RHOT2: variants seen among roughly 807,000 people sequenced by gnomAD.
RHOT2 encodes the protein ras homolog family member T2, also known as mitochondrial Rho GTPase 2.
Under a neutral mutation model 81.6 loss-of-function variants are expected in RHOT2, and 90 were observed. The observed-to-expected ratio is 1.10, with a 90% confidence interval of 0.93 to 1.31. RHOT2 has a LOEUF of 1.31. Ranked by LOEUF, RHOT2 falls within the 40% of genes most tolerant of loss-of-function variation. The pLI is 0.00. For missense variants in RHOT2, 1,014 were observed against 841.9 expected (o/e 1.20, Z -2.53); for synonymous variants, 512 against 370.9 (o/e 1.38, Z -4.37).
In RHOT2 at chr16:668,677, A is replaced by T. The variant is rs1286164447; in HGVS notation, c.200A>T (p.Glu67Val). 1 of 1,604,214 alleles carries T rather than the reference A, an allele frequency of 6.2e-7. No homozygotes were observed. The change falls in exon 4 of 19, where the codon GAG (glutamate) becomes GTG (valine). Residue 67 changes from glutamate (E) to valine (V), a missense_variant. Physicochemically the swap from Glu to Val is moderately radical, Grantham distance 121. Coordinates refer to ENST00000315082, the MANE Select transcript of RHOT2 (RefSeq NM_138769.3). The part of the protein sequence containing the change: ...DYSEAEQTDE[E>V]LREEIHKANV... ...CTAGAAGCCGAGCAGACGGACGAGG[A>T]GCTGCGGGAGGAGATCCACAAGGTA...
At chr16:668,829 A>AG (rs2038390219) in intron 4 of RHOT2, 130 bp downstream of exon 4, 1 of 1,035,288 alleles carries the variant, frequency 9.7e-7, no homozygotes, top group Non-Finnish European at 1.4e-6. Context: ...CTCCGCACTG[A>AG]GGGTTGTCGG....
Position 671,238 on chromosome 16 carries a change from C to T in RHOT2, c.869+35C>T, listed in dbSNP as rs561645394. 32 of 1,517,926 alleles carry T rather than the reference C, an allele frequency of 2.1e-5. No individual in the cohort carries two copies. In the East Asian group the frequency reaches 2.3e-4, roughly 11 times the overall value. The allele number at this position is 1,517,926 out of a possible 1,614,324, so 94.0% of individuals were successfully genotyped here. ...GCCGGGGCTTGAGGCCTGCCCTCCC[C>T]GAGGGTCAGGAGCTGACTGCCGACT... is the stretch of plus-strand genomic sequence containing the variant. On this transcript the variant is annotated intron_variant, in intron 11 of 18. Transcript: ENST00000315082.
Position 668,163 on chromosome 16 carries a change from C to T in RHOT2, c.-37C>T, listed in dbSNP as rs1363944104. ...AAAGGCTTGAGGACCAGGTCGGGGC[C>T]GGGTTCCGGGTCGGGGAGCGGCTCC... On this transcript the variant is annotated 5_prime_UTR_variant, in exon 1 of 19. Transcript: ENST00000315082. 3 of 445,514 alleles carry T rather than the reference C, an allele frequency of 6.7e-6. No homozygotes were observed. Among genetic ancestry groups the T allele is most frequent in the Non-Finnish European group, 3.9e-6 (1 of 255,328 alleles). 27.6% of individuals were successfully genotyped at this position (445,514 alleles called of 1,614,324 possible).
At position 674,037 on chromosome 16, in the gene RHOT2, G is replaced by A. The variant is rs1411277932; in HGVS notation, c.*431G>A. 3.4e-6 allele frequency: 1 copy of A among 295,400 alleles called. No homozygotes were observed. Among genetic ancestry groups the A allele is most frequent in the Admixed American group, 4.6e-5 (1 of 21,810 alleles). The allele number at this position is 295,400 out of a possible 1,614,324, so 18.3% of individuals were successfully genotyped here. On this transcript the variant is annotated 3_prime_UTR_variant, in exon 19 of 19. Coordinates refer to ENST00000315082, the MANE Select transcript of RHOT2 (RefSeq NM_138769.3). ...CTTTGGGCCAAAAGCAGGCGTTGGG[G>A]GGTCCCCCCTCAAGTTTGGAGCCGT... is the stretch of plus-strand genomic sequence containing the variant.
Position 668,512 on chromosome 16 carries a change from A to T in RHOT2, c.121A>T (p.Thr41Ser). The T allele has an allele frequency of 1.9e-6, 3 of 1,609,108 alleles. No homozygotes were observed. The highest frequency in any genetic ancestry group is 2.2e-5 in the South Asian group (2 of 90,592). The change falls in exon 3 of 19, where the codon ACC becomes TCC. Residue 41 changes from threonine to serine, a missense_variant. Coordinates refer to ENST00000315082, the MANE Select transcript of RHOT2 (RefSeq NM_138769.3). Reference sequence around the variant, plus strand: ...GGTCCCTCCCCGCGCGGAGGAGATCACCATCCCCGCGGACGTCACCCCGGA... The same window carrying T: ...GGTCCCTCCCCGCGCGGAGGAGATCTCCATCCCCGCGGACGTCACCCCGGA... Reference protein sequence around the residue: ...EEVPPRAEEITIPADVTPEKV... With the variant: ...EEVPPRAEEISIPADVTPEKV...
chr16:670,123 A>G lies in RHOT2; in HGVS notation c.277A>G (p.Ile93Val). 1.3e-6 allele frequency: 2 copies of G among 1,561,852 alleles called. No homozygotes were observed. Among genetic ancestry groups the G allele is most frequent in the Non-Finnish European group, 1.7e-6 (2 of 1,155,514 alleles). Residue 93 changes from isoleucine (I) to valine (V), a missense_variant and splice_region_variant, in exon 6 of 19, where the codon ATT becomes GTT. Coordinates refer to ENST00000315082, the MANE Select transcript of RHOT2 (RefSeq NM_138769.3). Reference sequence around the variant, plus strand: ...TTCACAGCCAGGCTTTGCTTTTCAGATTCGAACTAAGTGGATCCCACTGGT... The same window carrying G: ...TTCACAGCCAGGCTTTGCTTTTCAGGTTCGAACTAAGTGGATCCCACTGGT... ...DVSEEATIEK[I>V]RTKWIPLVNG...
chr16:673,755 G>A lies in RHOT2; in HGVS notation c.*149G>A. On this transcript the variant is annotated 3_prime_UTR_variant, in exon 19 of 19. Transcript: ENST00000315082. Reference sequence around the variant, plus strand: ...TTTTGTTTCTGAAGGCAGTCGATCTGCAGCGGGGCCTTATGCTGCCATGCA... The same window carrying A: ...TTTTGTTTCTGAAGGCAGTCGATCTACAGCGGGGCCTTATGCTGCCATGCA... 1 of 983,132 alleles carries A rather than the reference G, an allele frequency of 1.0e-6. No individual in the cohort carries two copies. The highest frequency in any genetic ancestry group is 1.5e-6 in the Non-Finnish European group (1 of 679,400). 60.9% of individuals were successfully genotyped at this position (983,132 alleles called of 1,614,324 possible).
rs1407861192 is a variant in RHOT2, at chr16:673,112, C to A, written c.1712C>A (p.Ala571Asp). ...AGCACCACCATCTTCACCCAGCTCG[C>A]CACCATGGCCGCCTTCCCGTGGGTA... ...EPSTTIFTQL[A>D]TMAAFPHLVH... Residue 571 changes from alanine (A) to aspartate (D), a missense_variant, in exon 18 of 19, where the codon GCC (alanine) becomes GAC (aspartate). Ala to Asp is a moderately radical substitution (Grantham distance 126, BLOSUM62 -2). Coordinates refer to ENST00000315082, the MANE Select transcript of RHOT2 (RefSeq NM_138769.3). The A allele has an allele frequency of 1.2e-6, 2 of 1,611,150 alleles. No individual in the cohort carries two copies. Among genetic ancestry groups the A allele is most frequent in the Middle Eastern group, 3.3e-4 (2 of 6,060 alleles).
chr16:670,637 G>A (rs369696240), intron 8 of RHOT2, 38 bp from the exon 9 acceptor site: 14 of 1,607,016 alleles, frequency 8.7e-6, no homozygotes, highest in South Asian at 2.2e-5. Context: ...GCAGGTCGGC[G>A]TGGGTCACCT....
rs994486531 is a variant in RHOT2 at position 668,652 on chromosome 16, C to T, written c.179-4C>T. ...TCCGCAGTGGAGTCTCTTTGTCCCC[C>T]TAGAAGCCGAGCAGACGGACGAGGA... On this transcript the variant is annotated splice_region_variant and splice_polypyrimidine_tract_variant and intron_variant, in intron 3 of 18. Coordinates refer to ENST00000315082, the MANE Select transcript of RHOT2 (RefSeq NM_138769.3). The T allele has an allele frequency of 2.9e-5, 46 of 1,607,040 alleles. No individual in the cohort carries two copies. Among genetic ancestry groups the T allele is most frequent in the Non-Finnish European group, 3.8e-5 (45 of 1,177,676 alleles).
intron 11 of RHOT2, 88 bp from the exon 12 acceptor site, chr16:671,609 C>G: frequency 7.0e-7 from 1 of 1,427,866 alleles, no homozygotes. Flanking sequence ...GGTCCGGCTG[C>G]ACCGATGGGG....
intron 4 of RHOT2, chr16:668,908 C>T (rs1339704462): frequency 1.8e-6 from 1 of 542,534 alleles, no homozygotes; most frequent in Non-Finnish European, 3.2e-6. Context: ...GATAACAGGA[C>T]CCTTCCCCGC....
Position 670,489 on chromosome 16 carries a change from C to T in RHOT2, c.472C>T (p.Leu158=). The T allele has an allele frequency of 2.5e-6, 4 of 1,608,330 alleles. No individual in the cohort carries two copies. The highest frequency in any genetic ancestry group is 3.4e-6 in the Non-Finnish European group (4 of 1,177,510). Residue 158 remains leucine, a synonymous_variant, in exon 8 of 19, where the codon CTG becomes TTG. Transcript: ENST00000315082. ...SAKNLRNISE[L]FYYAQKAVLH... ...CAAGAACCTGAGGAACATCTCAGAG[C>T]TGTTCTACTACGCCCAGAAGGCCGT...
chr16:673,576 A>G lies in RHOT2; in HGVS notation c.1827A>G (p.Ser609=). The stretch of plus-strand genomic sequence containing the variant: ...CCGTGGCCGCAGTCCTCAGCTTCTC[A>G]CTCTACAGGGTCCTGGTGAAGAGCC... The part of the protein sequence containing the change: ...GAAVAAVLSF[S]LYRVLVKSQ The change falls in exon 19 of 19, where the codon TCA becomes TCG. Residue 609 remains serine (S), a synonymous_variant. Coordinates refer to ENST00000315082, the MANE Select transcript of RHOT2 (RefSeq NM_138769.3). 6.2e-7 allele frequency: 1 copy of G among 1,611,108 alleles called. No homozygotes were observed. The highest frequency in any genetic ancestry group is 2.2e-5 in the East Asian group (1 of 44,830).
chr16:672,394 C>G lies in RHOT2; in HGVS notation c.1326+10C>G. ...CGGCCGCGGCCTGGGGGTAAGCACC[C>G]TAGACTCCCCCACCACCCCAGGGGC... On this transcript the variant is annotated intron_variant, in intron 15 of 18. Transcript: ENST00000315082. 1 of 1,608,162 alleles carries G rather than the reference C, an allele frequency of 6.2e-7. No homozygotes were observed. Among genetic ancestry groups the G allele is most frequent in the South Asian group, 1.1e-5 (1 of 90,636 alleles).
At position 668,668 on chromosome 16, in the gene RHOT2, C is replaced by A; in HGVS notation, c.191C>A (p.Thr64Lys). The part of the protein sequence containing the change: ...HIVDYSEAEQ[T>K]DEELREEIHK... ...TTTGTCCCCCTAGAAGCCGAGCAGA[C>A]GGACGAGGAGCTGCGGGAGGAGATC... The change falls in exon 4 of 19, where the codon ACG becomes AAG. Residue 64 changes from threonine to lysine, a missense_variant. By Grantham distance (78) the Thr-to-Lys change is moderately conservative (BLOSUM62 -1). Coordinates refer to ENST00000315082, the MANE Select transcript of RHOT2 (RefSeq NM_138769.3). 1 of 1,604,832 alleles carries A rather than the reference C, an allele frequency of 6.2e-7. No individual in the cohort carries two copies. Among genetic ancestry groups the A allele is most frequent in the Non-Finnish European group, 8.5e-7 (1 of 1,176,780 alleles).
intron 9 of RHOT2, 33 bp downstream of exon 9, chr16:670,806 C>G (rs1224124717): frequency 6.2e-7 from 1 of 1,608,228 alleles, no homozygotes; most frequent in Non-Finnish European, 8.5e-7. Flanking sequence ...GTGCCCAGCC[C>G]CCTTGAACCT....
chr16:668,156 T>C lies in RHOT2; in HGVS notation c.-44T>C. The stretch of plus-strand genomic sequence containing the variant: ...CAGAGCGAAAGGCTTGAGGACCAGG[T>C]CGGGGCCGGGTTCCGGGTCGGGGAG... On this transcript the variant is annotated 5_prime_UTR_variant, in exon 1 of 19. Transcript: ENST00000315082. 2.3e-6 allele frequency: 1 copy of C among 439,216 alleles called. No individual in the cohort carries two copies. The highest frequency in any genetic ancestry group is 4.0e-6 in the Non-Finnish European group (1 of 251,210). The allele number at this position is 439,216 out of a possible 1,614,324, so 27.2% of individuals were successfully genotyped here. A position where few individuals can be genotyped will look rare whatever the true frequency, so the allele number is the denominator to read the frequency against.
At chr16:668,458 G>T in intron 2 of RHOT2, 30 bp from the exon 3 acceptor site, 1 of 1,586,170 alleles carries the variant, frequency 6.3e-7, no homozygotes, top group Non-Finnish European at 8.6e-7. Flanking sequence ...CCAGCCGGGG[G>T]TCCCTGGTGA....
Sources: allele counts gnomAD v4.1 joint callset, GRCh38; gene constraint gnomAD v4.1.1; transcripts MANE v1.5; gene names NCBI Gene and HGNC (gene_info 2026-07-23, HGNC 2026-07-21).